Variants in DNAJC10 observed in about 807,000 individuals in gnomAD.
The protein encoded by DNAJC10 is endoplasmic reticulum disulfide reductase DNAJC10.
In DNAJC10, 101 loss-of-function variants were observed where a neutral mutation model predicts 115.0. That is an observed-to-expected ratio of 0.88 (90% CI 0.75 to 1.04). The LOEUF is 1.04. DNAJC10 is among the 50% of genes least tolerant of loss of function. DNAJC10 has a pLI of 0.00. For synonymous variants in DNAJC10, 307 were observed against 301.5 expected (o/e 1.02, Z -0.19); for missense variants, 981 against 928.8 (o/e 1.06, Z -0.73).
In DNAJC10 at chr2:182,790,789, CAA is replaced by C. The variant is rs57611726; in HGVS notation, c.*13673_*13674del. The stretch of plus-strand genomic sequence containing the variant: ...GGGCAACAAGAGTGAAACTCTATCT[CAA>C]AAAAAAAAAAAAAAATTACAATAGT... On this transcript the variant is annotated 3_prime_UTR_variant, in exon 24 of 24. Transcript: ENST00000264065. 3.4e-3 allele frequency: 467 copies of C among 138,196 alleles called. 1 individual carries two copies. The highest frequency in any genetic ancestry group is 5.3e-3 in the East Asian group (25 of 4,688). The allele number at this position is 138,196 out of a possible 1,614,324, so 8.6% of individuals were successfully genotyped here.
intron 14 of DNAJC10, among the ~76,000 whole-genome samples, chr2:182,744,704 T>C (rs1265676356): frequency 6.6e-6 from 1 of 151,982 alleles, no homozygotes; most frequent in Non-Finnish European, 1.5e-5. Context: ...AACAGCCCAG[T>C]GAAGGAGAAA....
intron 5 of DNAJC10, among the ~76,000 whole-genome samples, chr2:182,727,464 G>A (rs1693319252): frequency 6.6e-6 from 1 of 151,914 alleles, no homozygotes; most frequent in African/African-American, 2.4e-5. Context: ...CTGGTTTGTG[G>A]TCTAAACCAA....
rs569919135 is a variant in DNAJC10, at chr2:182,793,237, G to A, written c.*16105G>A. On this transcript the variant is annotated 3_prime_UTR_variant, in exon 24 of 24. Transcript: ENST00000264065. ...GCTGGAATGGAGTGAGCTAGCAGGA[G>A]AGAAGATGAAGTTAGAGGGAGAGAG... 1.3e-5 allele frequency: 2 copies of A among 152,600 alleles called. No homozygotes were observed. Among genetic ancestry groups the A allele is most frequent in the East Asian group, 3.9e-4 (2 of 5,174 alleles). 9.5% of individuals were successfully genotyped at this position (152,600 alleles called of 1,614,324 possible).
At chr2:182,757,902 A>G (rs1027232593) in intron 19 of DNAJC10, 77 bp downstream of exon 19, 1 of 856,594 alleles carries the variant, frequency 1.2e-6, no homozygotes, top group East Asian at 2.8e-5. Context: ...TACCTGAACA[A>G]AATAAAAGTT....
rs1385684763 is a variant in DNAJC10, at chr2:182,785,230, C to T, written c.*8098C>T. The T allele has an allele frequency of 2.0e-5, 3 of 151,924 alleles. No individual in the cohort carries two copies. Among genetic ancestry groups the T allele is most frequent in the Admixed American group, 2.0e-4 (3 of 15,234 alleles). The allele number at this position is 151,924 out of a possible 1,614,324, so 9.4% of individuals were successfully genotyped here. A position where few individuals can be genotyped will look rare whatever the true frequency, so the allele number is the denominator to read the frequency against. The stretch of plus-strand genomic sequence containing the variant: ...AGATTCCCATTCATGAAGAATGGTG[C>T]CTGTGTAACAGTATAAATGGATCAC... On this transcript the variant is annotated 3_prime_UTR_variant, in exon 24 of 24. Coordinates refer to ENST00000264065, the MANE Select transcript of DNAJC10 (RefSeq NM_018981.4).
rs1043507031 is a variant in DNAJC10 at position 182,740,381 on chromosome 2, C to G, written c.1070C>G (p.Thr357Arg). The change falls in exon 12 of 24, where the codon ACA becomes AGA. Residue 357 changes from threonine (T) to arginine (R), a missense_variant. Coordinates refer to ENST00000264065, the MANE Select transcript of DNAJC10 (RefSeq NM_018981.4). ...GATTTTGAACTACTTTCGGCAAACA[C>G]ACTAGAGGTAATGTTTTTATTAATA... ...LPDFELLSAN[T>R]LEDRLAHHRW... The G allele has an allele frequency of 6.4e-7, 1 of 1,568,358 alleles. No homozygotes were observed. Among genetic ancestry groups the G allele is most frequent in the Non-Finnish European group, 8.6e-7 (1 of 1,163,390 alleles).
In DNAJC10 at chr2:182,751,717, A is replaced by G; in HGVS notation, c.1366A>G (p.Thr456Ala). ...FAKESVNSHV[T>A]TLGPQNFPAN... ...CAAAGAAAGTGTGAATTCTCATGTT[A>G]CCACGCTTGGACCTCAAAATTTTCC... Residue 456 changes from threonine (T) to alanine (A), a missense_variant, in exon 15 of 24, where the codon ACC becomes GCC. Transcript: ENST00000264065. 6.2e-7 allele frequency: 1 copy of G among 1,614,024 alleles called. No homozygotes were observed. The highest frequency in any genetic ancestry group is 8.5e-7 in the Non-Finnish European group (1 of 1,179,900).
intron 5 of DNAJC10, among the ~76,000 whole-genome samples, chr2:182,726,385 C>T (rs1273710610): frequency 6.6e-6 from 1 of 152,084 alleles, no homozygotes; most frequent in Admixed American, 6.6e-5. Context: ...GGAACCTACT[C>T]CTGGTGAAGA....
rs1233822577 is a variant in DNAJC10 at position 182,780,041 on chromosome 2, TATG to T, written c.*2912_*2914del. On this transcript the variant is annotated 3_prime_UTR_variant, in exon 24 of 24. Transcript: ENST00000264065. Reference sequence around the variant, plus strand: ...ATTAACAAAATGCATTTTAAATTTTTATGATACCTATAGAAAATTGATAATGAA... The same window carrying T: ...ATTAACAAAATGCATTTTAAATTTTTATACCTATAGAAAATTGATAATGAA... The T allele has an allele frequency of 1.3e-5, 2 of 151,142 alleles. No individual in the cohort carries two copies. Among genetic ancestry groups the T allele is most frequent in the African/African-American group, 2.5e-5 (1 of 40,460 alleles). The allele number at this position is 151,142 out of a possible 1,614,324, so 9.4% of individuals were successfully genotyped here.
chr2:182,728,678 T>G lies in DNAJC10; in HGVS notation c.501+20T>G. On this transcript the variant is annotated intron_variant, in intron 6 of 23. Coordinates refer to ENST00000264065, the MANE Select transcript of DNAJC10 (RefSeq NM_018981.4). ...CCCACAGTATGTATTTTTCACATCCTCATTACTAGTTTTATTTCTAATTGA... is the reference window on the plus strand; with the variant it reads ...CCCACAGTATGTATTTTTCACATCCGCATTACTAGTTTTATTTCTAATTGA... 1 of 1,591,492 alleles carries G rather than the reference T, an allele frequency of 6.3e-7. No individual in the cohort carries two copies. Among genetic ancestry groups the G allele is most frequent in the Non-Finnish European group, 8.6e-7 (1 of 1,164,068 alleles).
chr2:182,757,867 T>A, intron 19 of DNAJC10, 42 bp downstream of exon 19: 3 of 1,159,446 alleles, frequency 2.6e-6, no homozygotes, highest in Non-Finnish European at 3.6e-6. Context: ...TTATAATTAT[T>A]TAATTATACA....
intron 5 of DNAJC10, among the ~76,000 whole-genome samples, chr2:182,723,389 C>T (rs561570956): frequency 6.6e-6 from 1 of 152,122 alleles, no homozygotes; most frequent in South Asian, 2.1e-4. Flanking sequence ...TGCTGGTGAG[C>T]TTCACATACA....
chr2:182,770,358 A>G (rs1694528533), intron 22 of DNAJC10, among the ~76,000 whole-genome samples: 1 of 152,130 alleles, frequency 6.6e-6, no homozygotes, highest in South Asian at 2.1e-4. Flanking sequence ...AAGGAAAGTC[A>G]TTGGTAGCTT....
In DNAJC10 at chr2:182,759,251, G is replaced by C. The variant is rs61738722; in HGVS notation, c.2089G>C (p.Ala697Pro). 1.1e-4 allele frequency: 181 copies of C among 1,611,924 alleles called. 1 individual carries two copies. The highest frequency in any genetic ancestry group is 5.5e-4 in the Admixed American group (33 of 59,468). The change falls in exon 21 of 24, where the codon GCT becomes CCT. Residue 697 changes from alanine (A) to proline (P), a missense_variant. Physicochemically the swap from Ala to Pro is conservative, Grantham distance 27. Transcript: ENST00000264065. ...AAATCATTGGGTGATTGATTTCTAT[G>C]CTCCTTGGTGTGGACCTTGCCAGAA... ...GKNHWVIDFY[A>P]PWCGPCQNFA...
chr2:182,757,605 CTG>C, intron 18 of DNAJC10, 85 bp from the exon 19 acceptor site: 1 of 1,034,372 alleles, frequency 9.7e-7, no homozygotes, highest in Non-Finnish European at 1.3e-6. Context: ...AATATAATAA[CTG>C]TTTCACCATA....
In DNAJC10 at chr2:182,720,169, G is replaced by T. The variant is rs761506704; in HGVS notation, c.367G>T (p.Gly123Cys). 4.4e-6 allele frequency: 7 copies of T among 1,604,074 alleles called. No individual in the cohort carries two copies. The highest frequency in any genetic ancestry group is 1.3e-5 in the African/African-American group (1 of 74,234). The change falls in exon 4 of 24, where the codon GGT (glycine) becomes TGT (cysteine). Residue 123 changes from glycine to cysteine, a missense_variant and splice_region_variant. Physicochemically the swap from Gly to Cys is radical, Grantham distance 159. Transcript: ENST00000264065. ...ESWNYYRYDF[G>C]IYDDDPEIIT... is the part of the protein sequence containing the mutation. The stretch of plus-strand genomic sequence containing the variant: ...CTGGAACTATTATCGTTATGATTTT[G>T]GTAAGGTGATACGATATTACTTATG...
chr2:182,756,392 G>T lies in DNAJC10; in HGVS notation c.1732G>T (p.Val578Phe), dbSNP rs1344939853. Residue 578 changes from valine (V) to phenylalanine (F), a missense_variant, in exon 18 of 24, where the codon GTC becomes TTC. By Grantham distance (50) the Val-to-Phe change is conservative. Coordinates refer to ENST00000264065, the MANE Select transcript of DNAJC10 (RefSeq NM_018981.4). The stretch of plus-strand genomic sequence containing the variant: ...AGTTACACAAAGAAAACACAACGAA[G>T]TCTGGATGGTTGATTTCTATTCTCC... ...ELVTQRKHNE[V>F]WMVDFYSPWC... is the part of the protein sequence containing the mutation. 1 of 1,613,876 alleles carries T rather than the reference G, an allele frequency of 6.2e-7. No individual in the cohort carries two copies. The highest frequency in any genetic ancestry group is 1.1e-5 in the South Asian group (1 of 91,086).
chr2:182,764,029 A>C (rs573879522), intron 22 of DNAJC10, among the ~76,000 whole-genome samples: 12 of 152,294 alleles, frequency 7.9e-5, no homozygotes, highest in Non-Finnish European at 1.8e-4. Context: ...TGTTCAATTT[A>C]CACTCAAGAG....
chr2:182,730,837 A>G (rs1693425968), intron 8 of DNAJC10, among the ~76,000 whole-genome samples, 193 bp from the exon 9 acceptor site: 1 of 152,136 alleles, frequency 6.6e-6, no homozygotes, highest in Admixed American at 6.5e-5. Context: ...TTTAGGTTTT[A>G]TATGATGAAA....
Sources: allele counts gnomAD v4.1 joint callset (sites outside exome capture counted in the v4.1 genomes callset), GRCh38; gene constraint gnomAD v4.1.1; transcripts MANE v1.5; gene names NCBI Gene and HGNC (gene_info 2026-07-23, HGNC 2026-07-21).